Variants in CTNNA3 observed in about 807,000 individuals in gnomAD.
The protein encoded by CTNNA3 is catenin alpha-3.
A neutral mutation model predicts 95.7 loss-of-function variants in CTNNA3; 76 were observed. The observed-to-expected ratio is 0.79, with a 90% CI of 0.66 to 0.96. The LOEUF is 0.96. Ranked by LOEUF, CTNNA3 falls within the 40% of genes least tolerant of loss-of-function variation. The pLI, the probability that CTNNA3 is intolerant of heterozygous loss-of-function variation, is 0.00. For missense variants in CTNNA3, 1,191 were observed against 1,089.8 expected (o/e 1.09, Z -1.31); for synonymous variants, 431 against 374.4 (o/e 1.15, Z -1.74).
At chr10:66,400,579 T>G (rs1263762334) in intron 11 of CTNNA3, among the ~76,000 whole-genome samples, 1 of 152,044 alleles carries the variant, frequency 6.6e-6, no homozygotes, top group Non-Finnish European at 1.5e-5. Flanking sequence ...GGCAGCTCTA[T>G]TTCCACCTCT....
intron 11 of CTNNA3, among the ~76,000 whole-genome samples, chr10:66,439,331 C>T (rs556518502): frequency 1.8e-4 from 28 of 152,106 alleles, no homozygotes; most frequent in African/African-American, 5.8e-4. Context: ...ATACTATTTA[C>T]ATCATCACAA....
At chr10:67,124,160 A>G (rs1859597654) in intron 7 of CTNNA3, among the ~76,000 whole-genome samples, 1 of 152,206 alleles carries the variant, frequency 6.6e-6, no homozygotes, top group Non-Finnish European at 1.5e-5. Context: ...AAATGATACT[A>G]TAAAATGTTC....
At chr10:66,920,004 T>C (rs1216091903) in intron 7 of CTNNA3, among the ~76,000 whole-genome samples, 1 of 152,120 alleles carries the variant, frequency 6.6e-6, no homozygotes, top group African/African-American at 2.4e-5. Flanking sequence ...TAATAAATGG[T>C]TGTGGTATTA....
chr10:67,695,106 G>C (rs887720139), intron 1 of CTNNA3, among the ~76,000 whole-genome samples: 1 of 152,112 alleles, frequency 6.6e-6, no homozygotes, highest in Non-Finnish European at 1.5e-5. Flanking sequence ...TCAATATGTT[G>C]AGCTTTCAAT....
At chr10:67,516,178 G>T (rs1319655080) in intron 5 of CTNNA3, among the ~76,000 whole-genome samples, 1 of 151,892 alleles carries the variant, frequency 6.6e-6, no homozygotes, top group African/African-American at 2.4e-5. Context: ...TGGTCAGGTT[G>T]GTCTTTATTT....
intron 1 of CTNNA3, among the ~76,000 whole-genome samples, chr10:67,715,706 T>G (rs1347852247): frequency 6.6e-6 from 1 of 152,112 alleles, no homozygotes. Flanking sequence ...TTACATAGAT[T>G]GAATAAACAT....
intron 15 of CTNNA3, among the ~76,000 whole-genome samples, chr10:66,051,859 G>C (rs1408809254): frequency 6.6e-6 from 1 of 152,044 alleles, no homozygotes; most frequent in Non-Finnish European, 1.5e-5. Context: ...AGATTGATAG[G>C]TTTCAGGGTG....
chr10:67,714,579 T>C (rs985840638), intron 1 of CTNNA3, among the ~76,000 whole-genome samples: 5 of 152,350 alleles, frequency 3.3e-5, no homozygotes, highest in Admixed American at 3.3e-4. Flanking sequence ...TTATCTCAGA[T>C]GAGACTTTTG....
chr10:67,341,587 A>G (rs1486259417), intron 5 of CTNNA3, among the ~76,000 whole-genome samples: 2 of 152,100 alleles, frequency 1.3e-5, no homozygotes, highest in African/African-American at 2.4e-5. Context: ...TTCTTTATCC[A>G]TTCATCTGTT....
At position 67,061,493 on chromosome 10, in the gene CTNNA3, T is replaced by C. The variant is rs544133653; in HGVS notation, c.1047+118824A>G. Among the ~76,000 whole-genome samples, 12 of 152,334 alleles carry C rather than the reference T, an allele frequency of 7.9e-5. No individual in the cohort carries two copies. In the South Asian group the frequency reaches 2.3e-3, roughly 29 times the overall value. On this transcript the variant is annotated intron_variant, in intron 7 of 17. Transcript: ENST00000433211. ...TCTCCATACCATTTGGCTCTTCTTA[T>C]CTCTGTTCTGCATCTTTAGCTGGAG... is the stretch of plus-strand genomic sequence containing the variant.
chr10:66,431,698 G>C (rs976404412), intron 11 of CTNNA3, among the ~76,000 whole-genome samples: 3 of 143,414 alleles, frequency 2.1e-5, no homozygotes, highest in Non-Finnish European at 3.0e-5. Flanking sequence ...ATTGAACAAT[G>C]AGAACACTTG....
At chr10:66,800,343 C>T (rs1054386865) in intron 7 of CTNNA3, among the ~76,000 whole-genome samples, 1 of 150,970 alleles carries the variant, frequency 6.6e-6, no homozygotes, top group African/African-American at 2.4e-5. Flanking sequence ...GCTTATTTGG[C>T]AGTGTTTTAT....
At chr10:66,387,122 T>C (rs1453153400) in intron 11 of CTNNA3, among the ~76,000 whole-genome samples, 3 of 152,146 alleles carry the variant, frequency 2.0e-5, no homozygotes, top group African/African-American at 4.8e-5. Flanking sequence ...GAAGAGCTTC[T>C]GCACAGCAAA....
At chr10:67,337,261 CTG>C (rs137883720) in intron 5 of CTNNA3, among the ~76,000 whole-genome samples, 1,620 of 152,162 alleles carry the variant, frequency 0.011, 26 homozygotes, top group African/African-American at 0.033. Flanking sequence ...GCTTGAAAAA[CTG>C]TGAGGGCTTC....
At chr10:65,971,424 G>A (rs185622618) in intron 16 of CTNNA3, among the ~76,000 whole-genome samples, 250 of 145,830 alleles carry the variant, frequency 1.7e-3, no homozygotes, top group African/African-American at 6.0e-3. Flanking sequence ...TAGACTGCTA[G>A]CTAGATTAAC....
At chr10:67,556,247 A>G (rs1841246750) in intron 3 of CTNNA3, among the ~76,000 whole-genome samples, 1 of 152,226 alleles carries the variant, frequency 6.6e-6, no homozygotes, top group African/African-American at 2.4e-5. Flanking sequence ...AGGCTTTGGT[A>G]TCAGGATGAT....
At chr10:66,059,524 C>T (rs1366400216) in intron 15 of CTNNA3, among the ~76,000 whole-genome samples, 1 of 152,094 alleles carries the variant, frequency 6.6e-6, no homozygotes, top group Non-Finnish European at 1.5e-5. Flanking sequence ...TCTGCACCAG[C>T]TCGTCTGCTC....
chr10:66,616,867 A>G (rs1564570532), intron 10 of CTNNA3, among the ~76,000 whole-genome samples: 5 of 152,018 alleles, frequency 3.3e-5, no homozygotes, highest in African/African-American at 1.2e-4. Flanking sequence ...GTTACAGCTC[A>G]AAGTAATTAT....
intron 5 of CTNNA3, among the ~76,000 whole-genome samples, chr10:67,263,475 T>C (rs780299425): frequency 6.6e-6 from 1 of 152,148 alleles, no homozygotes; most frequent in African/African-American, 2.4e-5. Flanking sequence ...AAGGGGTATA[T>C]TAACAAGGGC....
Sources: gnomAD v4.1 joint callset for allele counts (sites outside exome capture counted in the v4.1 genomes callset) on GRCh38, gnomAD v4.1.1 for gene constraint, MANE v1.5 for transcripts, NCBI Gene and HGNC (gene_info 2026-07-23, HGNC 2026-07-21) for gene names.